The following ANLN variants were observed in gnomAD, a reference collection of about 807,000 sequenced individuals.
The protein encoded by ANLN is anillin.
ANLN carries 59 observed loss-of-function variants against 135.1 expected under a neutral mutation model. That is an observed-to-expected ratio of 0.44 (90% CI 0.35 to 0.54). ANLN has a LOEUF of 0.54. Ranked by LOEUF, ANLN falls within the 20% of genes least tolerant of loss-of-function variation. ANLN has a pLI of 0.00. For synonymous variants in ANLN, 406 were observed against 456.4 expected (o/e 0.89, Z 1.41); for missense variants, 1,182 against 1,340.0 (o/e 0.88, Z 1.84).
intron 1 of ANLN, among the ~76,000 whole-genome samples, chr7:36,393,309 C>T (rs1042000805): frequency 7.9e-5 from 12 of 152,198 alleles, no homozygotes; most frequent in African/African-American, 2.7e-4. Context: ...CAAGCATGAG[C>T]CACTGTGCCC....
At chr7:36,443,973 T>C (rs1788885989) in intron 22 of ANLN, 111 bp downstream of exon 22, 3 of 714,296 alleles carry the variant, frequency 4.2e-6, no homozygotes, top group Non-Finnish European at 7.0e-6. Context: ...TAACCCTTTT[T>C]GTGTACTCAC....
intron 22 of ANLN, among the ~76,000 whole-genome samples, chr7:36,448,080 T>G (rs1401068817): frequency 6.6e-6 from 1 of 152,108 alleles, no homozygotes; most frequent in Admixed American, 6.6e-5. Context: ...AGTGGCACGA[T>G]CTCGGCTCAC....
In ANLN at chr7:36,423,051, G is replaced by A. The variant is rs113247208; in HGVS notation, c.2476+242G>A. The stretch of plus-strand genomic sequence containing the variant: ...TGAATATAAAGTTTTATTAAATGTT[G>A]GATATGGTTTTTAAAGTTCCTTTTA... On this transcript the variant is annotated intron_variant, in intron 14 of 23. Coordinates refer to ENST00000265748, the MANE Select transcript of ANLN (RefSeq NM_018685.5). Among the ~76,000 whole-genome samples the A allele has an allele frequency of 2.3e-3, 357 of 152,206 alleles. 3 individuals carry two copies. The highest frequency in any genetic ancestry group is 8.0e-3 in the African/African-American group (331 of 41,540).
chr7:36,441,187 C>T (rs1788755899), intron 21 of ANLN, among the ~76,000 whole-genome samples: 1 of 152,112 alleles, frequency 6.6e-6, no homozygotes, highest in Admixed American at 6.6e-5. Context: ...ATGCCTTTAG[C>T]AATGGATAGG....
At chr7:36,427,906 A>G (rs1462515338) in intron 20 of ANLN, among the ~76,000 whole-genome samples, 2 of 152,138 alleles carry the variant, frequency 1.3e-5, no homozygotes, top group South Asian at 4.1e-4. Flanking sequence ...GTTGACTTCT[A>G]TATAATACAG....
rs201738896 is a variant in ANLN, at chr7:36,426,766, T to TC, written c.2771-144dup. On this transcript the variant is annotated intron_variant, in intron 19 of 23. Coordinates refer to ENST00000265748, the MANE Select transcript of ANLN (RefSeq NM_018685.5). ...TTTCATTAGGAAATAAGTTGATTTT[T>TC]CCCCCCACATTTAAAGATGAAGGAA... The TC allele has an allele frequency of 2.2e-3, 1,049 of 468,168 alleles. 22 individuals are homozygous for TC. In the East Asian group the frequency reaches 0.03, roughly 14 times the overall value. The allele number at this position is 468,168 out of a possible 1,614,324, so 29.0% of individuals were successfully genotyped here.
chr7:36,420,089 T>C (rs749482296), intron 10 of ANLN, 80 bp from the exon 11 acceptor site: 46 of 1,385,966 alleles, frequency 3.3e-5, no homozygotes, highest in Admixed American at 9.0e-5. Flanking sequence ...TTAATATTAA[T>C]GGAGAATTCA....
At chr7:36,403,560 G>C (rs1027643353) in intron 3 of ANLN, 2 of 152,320 alleles carry the variant, frequency 1.3e-5, no homozygotes, top group Non-Finnish European at 2.9e-5. Flanking sequence ...AGTGGTATAG[G>C]CAGAAGGTCA....
At chr7:36,444,520 A>G (rs1788913061) in intron 22 of ANLN, among the ~76,000 whole-genome samples, 1 of 152,142 alleles carries the variant, frequency 6.6e-6, no homozygotes, top group South Asian at 2.1e-4. Context: ...TAAAACAGTA[A>G]TGGAAACCCA....
intron 7 of ANLN, among the ~76,000 whole-genome samples, chr7:36,414,809 A>G (rs1787573183): frequency 6.6e-6 from 1 of 152,250 alleles, no homozygotes; most frequent in Admixed American, 6.5e-5. Flanking sequence ...GTCTGGAACT[A>G]GACCTGGAAC....
Position 36,421,847 on chromosome 7 carries a change from GTT to G in ANLN, c.2164-7_2164-6del. 4.4e-6 allele frequency: 7 copies of G among 1,588,300 alleles called. No individual in the cohort carries two copies. Among genetic ancestry groups the G allele is most frequent in the African/African-American group, 1.4e-5 (1 of 73,650 alleles). On this transcript the variant is annotated splice_region_variant and splice_polypyrimidine_tract_variant and intron_variant, in intron 12 of 23. Transcript: ENST00000265748. ...GTGTATATTTTTTCTCCTCTCATTG[GTT>G]TTCCTAGGAACTCAATAACGAAATA...
intron 9 of ANLN, among the ~76,000 whole-genome samples, chr7:36,418,741 C>CTTTTTCT (rs1787748759): frequency 6.8e-6 from 1 of 146,526 alleles, no homozygotes; most frequent in Admixed American, 6.9e-5. Flanking sequence ...ATTTCTTTTT[C>CTTTTTCT]TTTTTCTTTT....
At chr7:36,399,515 G>GA in intron 3 of ANLN, 122 bp downstream of exon 3, 1 of 911,984 alleles carries the variant, frequency 1.1e-6, no homozygotes, top group Non-Finnish European at 1.6e-6. Flanking sequence ...TATATGTTGA[G>GA]TATCCTTTGC....
intron 23 of ANLN, among the ~76,000 whole-genome samples, chr7:36,451,770 T>C (rs191169503): frequency 8.5e-5 from 13 of 152,302 alleles, no homozygotes; most frequent in African/African-American, 2.9e-4. Context: ...TATAAAAACC[T>C]AATGGCTGGC....
chr7:36,432,161 T>G (rs2116729529), intron 20 of ANLN, among the ~76,000 whole-genome samples: 1 of 152,316 alleles, frequency 6.6e-6, no homozygotes, highest in African/African-American at 2.4e-5. Context: ...GTTCAGAAGT[T>G]CAAGGCTGCA....
intron 1 of ANLN, among the ~76,000 whole-genome samples, chr7:36,393,619 C>T (rs1786572361): frequency 6.6e-6 from 1 of 152,260 alleles, no homozygotes; most frequent in South Asian, 2.1e-4. Flanking sequence ...CAGTTGGGCC[C>T]TATATGTCAA....
rs1165494446 is a variant in ANLN at position 36,453,499 on chromosome 7, A to G, written c.*899A>G. On this transcript the variant is annotated 3_prime_UTR_variant, in exon 24 of 24. Coordinates refer to ENST00000265748, the MANE Select transcript of ANLN (RefSeq NM_018685.5). Reference sequence around the variant, plus strand: ...TGTTTGTTTTTGGTTCATGAACAACAGTGTCTAGAAACCCATTTTGAAAGT... The same window carrying G: ...TGTTTGTTTTTGGTTCATGAACAACGGTGTCTAGAAACCCATTTTGAAAGT... 1 of 152,184 alleles carries G rather than the reference A, an allele frequency of 6.6e-6. No homozygotes were observed. Among genetic ancestry groups the G allele is most frequent in the Non-Finnish European group, 1.5e-5 (1 of 68,032 alleles). The allele number at this position is 152,184 out of a possible 1,614,324, so 9.4% of individuals were successfully genotyped here. A position where few individuals can be genotyped will look rare whatever the true frequency, so the allele number is the denominator to read the frequency against.
intron 2 of ANLN, among the ~76,000 whole-genome samples, chr7:36,397,283 T>C (rs1255092840): frequency 6.6e-6 from 1 of 152,168 alleles, no homozygotes; most frequent in East Asian, 1.9e-4. Flanking sequence ...ACATTACATA[T>C]TATATGGTAT....
chr7:36,390,148 G>A (rs895498828), intron 1 of ANLN, 104 bp downstream of exon 1: 12 of 1,587,002 alleles, frequency 7.6e-6, no homozygotes, highest in South Asian at 1.1e-5. Context: ...CGGAGGGCGC[G>A]TGTGTGCGCG....
Sources: allele counts gnomAD v4.1 joint callset (sites outside exome capture counted in the v4.1 genomes callset), GRCh38; gene constraint gnomAD v4.1.1; transcripts MANE v1.5; gene names NCBI Gene and HGNC (gene_info 2026-07-23, HGNC 2026-07-21).